The following PARP12 variants were observed in gnomAD, a reference collection of about 807,000 sequenced individuals.
PARP12 encodes protein mono-ADP-ribosyltransferase PARP12.
A neutral mutation model predicts 72.4 loss-of-function variants in PARP12; 59 were observed. The ratio of observed to expected loss-of-function variants is 0.81; its 90% CI spans 0.66 to 1.01. PARP12 has a LOEUF of 1.01. Among genes scored for constraint, PARP12 ranks in the 50% least tolerant of loss-of-function variants. PARP12 has a pLI of 0.00. For missense variants in PARP12, 851 were observed against 914.0 expected (o/e 0.93, Z 0.89); for synonymous variants, 403 against 371.4 (o/e 1.09, Z -0.98).
chr7:140,035,462 T>C (rs986722726), intron 7 of PARP12, among the ~76,000 whole-genome samples: 2 of 152,198 alleles, frequency 1.3e-5, no homozygotes, highest in African/African-American at 2.4e-5. Context: ...ATGGACACAG[T>C]AAAGTGAGGT....
At position 140,024,575 on chromosome 7, in the gene PARP12, G is replaced by T. The variant is rs760924097; in HGVS notation, c.2091C>A (p.Phe697Leu). The change falls in exon 12 of 12, where the codon TTC becomes TTA. Residue 697 changes from phenylalanine to leucine, a missense_variant. Around this residue, in one of 3 missense-constraint regions of PARP12, gnomAD observed 347 missense variants for 396.1 expected, o/e 0.88. Coordinates refer to ENST00000263549, the MANE Select transcript of PARP12 (RefSeq NM_022750.4). ...PSILLALGSL[F>L]SSRQ ...TCCTGTGCGCTCACTGTCGGCTGCTGAACAGGGAGCCCAAGGCCAGCAGGA... is the reference window on the plus strand; with the variant it reads ...TCCTGTGCGCTCACTGTCGGCTGCTTAACAGGGAGCCCAAGGCCAGCAGGA... 2 of 1,614,156 alleles carry T rather than the reference G, an allele frequency of 1.2e-6. No homozygotes were observed. Among genetic ancestry groups the T allele is most frequent in the Non-Finnish European group, 1.7e-6 (2 of 1,180,020 alleles).
At chr7:140,062,410 C>A in intron 1 of PARP12, 112 bp downstream of exon 1, 1 of 1,122,394 alleles carries the variant, frequency 8.9e-7, no homozygotes, top group Non-Finnish European at 1.2e-6. Context: ...GAGGTCAGGG[C>A]AGAGCCACCG....
In PARP12 at chr7:140,034,439, T is replaced by A. The variant is rs560316636; in HGVS notation, c.1325-108A>T. The A allele has an allele frequency of 3.2e-6, 3 of 930,538 alleles. No individual in the cohort carries two copies. In the East Asian group the frequency reaches 9.0e-5, roughly 28 times the overall value. 57.6% of individuals were successfully genotyped at this position (930,538 alleles called of 1,614,324 possible). A position where few individuals can be genotyped will look rare whatever the true frequency, so the allele number is the denominator to read the frequency against. ...AGATAGATTTGAAAGCTTATCCAAA[T>A]GTGTAAAACCCAGAATCAGTCTGTT... On this transcript the variant is annotated intron_variant, in intron 7 of 11. Coordinates refer to ENST00000263549, the MANE Select transcript of PARP12 (RefSeq NM_022750.4).
chr7:140,032,153 G>C (rs143561483), intron 8 of PARP12, among the ~76,000 whole-genome samples: 2,161 of 152,170 alleles, frequency 0.014, 22 homozygotes, highest in Non-Finnish European at 0.019. Context: ...TCACTCCTAA[G>C]AGAGAGCAAA....
At chr7:140,050,136 T>C (rs762446845) in intron 4 of PARP12, among the ~76,000 whole-genome samples, 20 of 152,010 alleles carry the variant, frequency 1.3e-4, no homozygotes, top group Middle Eastern at 3.2e-3. Flanking sequence ...GAGAATCAAA[T>C]AGATATAAAA....
rs200149813 is a variant in PARP12, at chr7:140,028,604, G to A, written c.1497+9C>T. The stretch of plus-strand genomic sequence containing the variant: ...TTCCTGTCCAGCCCCAGGCGCATGC[G>A]TCCCCTACCTGAAAGCCTGGGTCTG... On this transcript the variant is annotated intron_variant, in intron 9 of 11. Transcript: ENST00000263549. The A allele has an allele frequency of 1.3e-5, 20 of 1,579,952 alleles. No homozygotes were observed. The highest frequency in any genetic ancestry group is 2.7e-5 in the African/African-American group (2 of 74,270).
rs1490783030 is a variant in PARP12 at position 140,041,830 on chromosome 7, G to A, written c.996C>T (p.Cys332=). The A allele has an allele frequency of 2.5e-6, 4 of 1,612,816 alleles. No individual in the cohort carries two copies. Among genetic ancestry groups the A allele is most frequent in the Admixed American group, 3.3e-5 (2 of 59,900 alleles). Residue 332 remains cysteine, a synonymous_variant, in exon 6 of 12, where the codon TGC becomes TGT. Coordinates refer to ENST00000263549, the MANE Select transcript of PARP12 (RefSeq NM_022750.4). ...YCNPKIERIL[C]SESASTFHSH... is the part of the protein sequence containing the mutation. ...AGTGAAAGGTACTGGCTGACTCAGA[G>A]CACAGGATCCTACAGAAGAAAAACA...
chr7:140,050,798 C>T (rs1460200925), intron 4 of PARP12, among the ~76,000 whole-genome samples: 2 of 151,990 alleles, frequency 1.3e-5, no homozygotes, highest in Non-Finnish European at 2.9e-5. Context: ...ATACAAAAAA[C>T]ACAAACCATA....
At chr7:140,027,605 G>A in intron 9 of PARP12, 199 bp from the exon 10 acceptor site, 1 of 470,838 alleles carries the variant, frequency 2.1e-6, no homozygotes. Context: ...CTTGGAAACT[G>A]CAATTTTAAG....
At chr7:140,025,462 G>A (rs554884885) in intron 11 of PARP12, 10 of 394,924 alleles carry the variant, frequency 2.5e-5, no homozygotes, top group African/African-American at 6.2e-5. Flanking sequence ...TGATGGACCC[G>A]GAACATGGAC....
At chr7:140,041,984 T>C in intron 5 of PARP12, 145 bp from the exon 6 acceptor site, 1 of 653,732 alleles carries the variant, frequency 1.5e-6, no homozygotes, top group South Asian at 2.0e-5. Context: ...TAGAGGAAAC[T>C]GCTTTTTCAG....
rs372309270 is a variant in PARP12, at chr7:140,062,830, G to C, written c.18C>G (p.Val6=). 591 of 1,397,882 alleles carry C rather than the reference G, an allele frequency of 4.2e-4. 6 individuals are homozygous for C. In the South Asian group the frequency reaches 8.2e-3, roughly 19 times the overall value. The allele number at this position is 1,397,882 out of a possible 1,614,324, so 86.6% of individuals were successfully genotyped here. A position where few individuals can be genotyped will look rare whatever the true frequency, so the allele number is the denominator to read the frequency against. Residue 6 remains valine (V), a synonymous_variant, in exon 1 of 12, where the codon GTC becomes GTG. Transcript: ENST00000263549. ...ACAGCACCTGGGTGACCTCACCGAC[G>C]ACGCCGGCCTGGGCCATGGCCGCTG... MAQAG[V]VGEVTQVLCA...
chr7:140,039,737 A>G (rs562510964), intron 6 of PARP12, among the ~76,000 whole-genome samples: 1 of 152,372 alleles, frequency 6.6e-6, no homozygotes, highest in Non-Finnish European at 1.5e-5. Context: ...GGGTTATACC[A>G]GAAACGTGTA....
At chr7:140,031,064 C>T (rs1414829281) in intron 8 of PARP12, among the ~76,000 whole-genome samples, 2 of 152,146 alleles carry the variant, frequency 1.3e-5, no homozygotes, top group Non-Finnish European at 2.9e-5. Flanking sequence ...TTTACTTGTA[C>T]TTAAGTGAAG....
intron 2 of PARP12, 183 bp downstream of exon 2, chr7:140,057,716 T>A (rs748833070): frequency 5.4e-5 from 41 of 764,832 alleles, no homozygotes; most frequent in Non-Finnish European, 7.9e-5. Context: ...TGGAACTGGG[T>A]TGTTGGCAAA....
In PARP12 at chr7:140,038,293, GGTTTTC is replaced by G. The variant is rs1816307106; in HGVS notation, c.1183-443_1183-438del. The G allele has an allele frequency of 8.1e-6, 8 of 985,152 alleles. No individual in the cohort carries two copies. In the South Asian group the frequency reaches 3.3e-4, roughly 41 times the overall value. 61.0% of individuals were successfully genotyped at this position (985,152 alleles called of 1,614,324 possible). A position where few individuals can be genotyped will look rare whatever the true frequency, so the allele number is the denominator to read the frequency against. The stretch of plus-strand genomic sequence containing the variant: ...ATCAGAGCTCGGTCCTCTTCCTTGC[GGTTTTC>G]TTTTTCTGGTCCCTAGGAGCATTCA... On this transcript the variant is annotated intron_variant, in intron 6 of 11. Transcript: ENST00000263549.
chr7:140,025,451 C>G, intron 11 of PARP12: 1 of 375,958 alleles, frequency 2.7e-6, no homozygotes, highest in South Asian at 2.0e-5. Context: ...TAACAAAGAA[C>G]TGATGGACCC....
intron 1 of PARP12, among the ~76,000 whole-genome samples, chr7:140,061,577 C>A (rs1019102791): frequency 6.6e-6 from 1 of 152,222 alleles, no homozygotes; most frequent in Non-Finnish European, 1.5e-5. Context: ...GGCACCCACA[C>A]CACTACCTTA....
intron 9 of PARP12, chr7:140,027,810 G>C: frequency 5.7e-6 from 1 of 176,762 alleles, no homozygotes. Flanking sequence ...TGATGCTTAA[G>C]CCACCATCGA....
Sources: gnomAD v4.1 joint callset for allele counts (sites outside exome capture counted in the v4.1 genomes callset) on GRCh38, gnomAD v4.1.1 for gene constraint, gnomAD v4.1.1 regional missense constraint, MANE v1.5 for transcripts, NCBI Gene and HGNC (gene_info 2026-07-23, HGNC 2026-07-21) for gene names.